SF3B2: variants seen among roughly 807,000 people sequenced by gnomAD.
The protein encoded by SF3B2 is splicing factor 3b subunit 2.
In SF3B2, 22 loss-of-function variants were observed where a neutral mutation model predicts 116.3. The observed-to-expected ratio is 0.19, with a 90% CI of 0.14 to 0.27. The LOEUF (loss-of-function observed/expected upper bound fraction) is 0.27. Ranked by LOEUF, SF3B2 falls within the 10% of genes least tolerant of loss-of-function variation. The pLI is 1.00. For missense variants in SF3B2, 767 were observed against 1,151.4 expected, an observed-to-expected ratio of 0.67 and a Z score of 4.83; for synonymous variants, 406 against 421.6, an observed-to-expected ratio of 0.96 and a Z score of 0.45.
rs1163877825 is a variant in SF3B2, at chr11:66,053,066, G to A, written c.220G>A (p.Asp74Asn). Residue 74 changes from aspartate (D) to asparagine (N), a missense_variant, in exon 3 of 22, where the codon GAT becomes AAT. Transcript: ENST00000322535. ...GAATCGGCCGGTTTTGAGAGGGGAA[G>A]ATGGGGACAAAGCCGCTCCACCTCC... ...VLNRPVLRGE[D>N]GDKAAPPPMS... The A allele has an allele frequency of 6.2e-7, 1 of 1,614,042 alleles. No homozygotes were observed. Among genetic ancestry groups the A allele is most frequent in the African/African-American group, 1.3e-5 (1 of 74,918 alleles).
chr11:66,052,928 G>A, intron 2 of SF3B2, 99 bp from the exon 3 acceptor site: 1 of 1,326,480 alleles, frequency 7.5e-7, no homozygotes, highest in Middle Eastern at 1.8e-4. Flanking sequence ...AGCGCTGGCA[G>A]ACAGGCACTG....
Position 66,068,336 on chromosome 11 carries a change from AG to A in SF3B2, c.2616+5del. On this transcript the variant is annotated splice_donor_region_variant and intron_variant, in intron 21 of 21. Coordinates refer to ENST00000322535, the MANE Select transcript of SF3B2 (RefSeq NM_006842.3). Reference sequence around the variant, plus strand: ...CTGAGCACGCTGCCAAACAGAAGGTAGGCGCTTCCAGGGGCGCTGGGCTGGG... The same window carrying A: ...CTGAGCACGCTGCCAAACAGAAGGTAGCGCTTCCAGGGGCGCTGGGCTGGG... 1 of 1,603,624 alleles carries A rather than the reference AG, an allele frequency of 6.2e-7. No homozygotes were observed.
chr11:66,058,338 C>T lies in SF3B2; in HGVS notation c.899C>T (p.Ala300Val). The change falls in exon 9 of 22, where the codon GCT becomes GTT. Residue 300 changes from alanine to valine, a missense_variant. This residue lies in a region of SF3B2 where 455 missense variants were observed against 537.5 expected (regional missense o/e 0.85). Coordinates refer to ENST00000322535, the MANE Select transcript of SF3B2 (RefSeq NM_006842.3). ...GAGGAAGAGGAAATGGAAACAGATG[C>T]TCGCTCGTCCCTGGGCCAGTCAGCG... ...QQEEEEMETDARSSLGQSASE... is the reference protein window; with the variant it reads ...QQEEEEMETDVRSSLGQSASE... The T allele has an allele frequency of 6.2e-7, 1 of 1,614,036 alleles. No homozygotes were observed. The highest frequency in any genetic ancestry group is 8.5e-7 in the Non-Finnish European group (1 of 1,180,002).
chr11:66,057,222 G>A (rs377149955), intron 6 of SF3B2, 44 bp from the exon 7 acceptor site: 3 of 1,237,576 alleles, frequency 2.4e-6, no homozygotes, highest in African/African-American at 1.5e-5. Context: ...TTACGTGAGT[G>A]TTTTGCCTCT....
In SF3B2 at chr11:66,059,558, G is replaced by A. The variant is rs774962540; in HGVS notation, c.1364G>A (p.Arg455His). 6 of 1,613,964 alleles carry A rather than the reference G, an allele frequency of 3.7e-6. No individual in the cohort carries two copies. The highest frequency in any genetic ancestry group is 2.2e-5 in the East Asian group (1 of 44,862). ...EAPKLSKKKL[R>H]RMNRFTVAEL... ...CCCAAGCTGTCCAAGAAGAAGTTGC[G>A]CCGAATGAACCGCTTCACTGTGGCT... The change falls in exon 12 of 22, where the codon CGC becomes CAC. Residue 455 changes from arginine (R) to histidine (H), a missense_variant. Transcript: ENST00000322535. This position sits in a 1 kb window ranked among gnomAD's most constrained non-coding sequence, Gnocchi z 5.0.
In SF3B2 at chr11:66,069,052, C is replaced by A. The variant is rs890071421; in HGVS notation, c.*307C>A. ...CATTTGACTGGTGGTGACGCCAACC[C>A]CAGGCTGAAATCTGTGTTTCACCAC... On this transcript the variant is annotated 3_prime_UTR_variant, in exon 22 of 22. Coordinates refer to ENST00000322535, the MANE Select transcript of SF3B2 (RefSeq NM_006842.3). The A allele has an allele frequency of 9.9e-6, 4 of 404,732 alleles. No individual in the cohort carries two copies. Among genetic ancestry groups the A allele is most frequent in the African/African-American group, 6.1e-5 (3 of 49,548 alleles). The allele number at this position is 404,732 out of a possible 1,614,324, so 25.1% of individuals were successfully genotyped here.
intron 21 of SF3B2, 77 bp downstream of exon 21, chr11:66,068,410 C>T (rs941394555): frequency 7.0e-7 from 1 of 1,425,000 alleles, no homozygotes; most frequent in Non-Finnish European, 9.5e-7. Flanking sequence ...ATGGTGCCCT[C>T]TAGTGGTGAG....
Position 66,059,979 on chromosome 11 carries a change from C to T in SF3B2, c.1599C>T (p.Ile533=). Residue 533 remains isoleucine (I), a synonymous_variant, in exon 13 of 22, where the codon ATC becomes ATT. Coordinates refer to ENST00000322535, the MANE Select transcript of SF3B2 (RefSeq NM_006842.3). This position sits in a 1 kb window ranked among gnomAD's most constrained non-coding sequence, Gnocchi z 5.0. ...CAGACTTCATCAAACGCACAGGCAT[C>T]CAGGAGATGCGAGAGGCCCTGCAGG... The part of the protein sequence containing the change: ...ELPDFIKRTG[I]QEMREALQEK... 6.2e-7 allele frequency: 1 copy of T among 1,614,120 alleles called. No individual in the cohort carries two copies.
Position 66,052,375 on chromosome 11 carries a change from T to G in SF3B2, c.-10T>G. The G allele has an allele frequency of 6.2e-7, 1 of 1,607,284 alleles. No individual in the cohort carries two copies. The highest frequency in any genetic ancestry group is 2.2e-5 in the East Asian group (1 of 44,534). The stretch of plus-strand genomic sequence containing the variant: ...CTTCCGGGTTGGTCGCGCGCCTTCC[T>G]GCGGCTAAGATGGCGACGGAGCATC... On this transcript the variant is annotated 5_prime_UTR_variant, in exon 1 of 22. Transcript: ENST00000322535.
chr11:66,052,752 C>T (rs778642973), intron 2 of SF3B2, 33 bp downstream of exon 2: 16 of 1,538,884 alleles, frequency 1.0e-5, no homozygotes, highest in Middle Eastern at 1.8e-4. Context: ...CAGGATAGGC[C>T]GAGCTTCTCC....
At chr11:66,062,107 A>G in intron 16 of SF3B2, 109 bp downstream of exon 16, 1 of 759,596 alleles carries the variant, frequency 1.3e-6, no homozygotes, top group Non-Finnish European at 2.2e-6. Flanking sequence ...ATTTACTTAA[A>G]AAATATTTTA....
In SF3B2 at chr11:66,068,927, T is replaced by C; in HGVS notation, c.*182T>C. Reference sequence around the variant, plus strand: ...ATTTAACACTCCTGAGCCTCCCTCATCTCCTTTTAGCCCCTTCTTGCAAAA... The same window carrying C: ...ATTTAACACTCCTGAGCCTCCCTCACCTCCTTTTAGCCCCTTCTTGCAAAA... On this transcript the variant is annotated 3_prime_UTR_variant, in exon 22 of 22. Coordinates refer to ENST00000322535, the MANE Select transcript of SF3B2 (RefSeq NM_006842.3). 1.7e-6 allele frequency: 1 copy of C among 581,012 alleles called. No individual in the cohort carries two copies. The highest frequency in any genetic ancestry group is 3.1e-6 in the Non-Finnish European group (1 of 324,244). The allele number at this position is 581,012 out of a possible 1,614,324, so 36.0% of individuals were successfully genotyped here. A position where few individuals can be genotyped will look rare whatever the true frequency, so the allele number is the denominator to read the frequency against.
rs1009012143 is a variant in SF3B2, at chr11:66,057,995, GA to G, written c.778-49del. The G allele has an allele frequency of 1.4e-3, 1,423 of 990,486 alleles. 5 individuals are homozygous for G. Among genetic ancestry groups the G allele is most frequent in the East Asian group, 0.011 (358 of 33,572 alleles). 61.4% of individuals were successfully genotyped at this position (990,486 alleles called of 1,614,324 possible). ...CTCAAAAAAAAAAAAAAGAAAGAAA[GA>G]AAAAAAAAAGAAAAAGGGCACTGTG... On this transcript the variant is annotated intron_variant, in intron 7 of 21. Transcript: ENST00000322535.
In SF3B2 at chr11:66,056,833, C is replaced by G; in HGVS notation, c.550-5C>G. ...GCAGTATCTACTCCCACTTCCCTCC[C>G]GTAGGCAGCTGTGTTACTGGAGCAG... On this transcript the variant is annotated splice_region_variant and splice_polypyrimidine_tract_variant and intron_variant, in intron 5 of 21. Transcript: ENST00000322535. 6.2e-7 allele frequency: 1 copy of G among 1,610,732 alleles called. No individual in the cohort carries two copies. Among genetic ancestry groups the G allele is most frequent in the Non-Finnish European group, 8.5e-7 (1 of 1,177,078 alleles).
chr11:66,068,447 C>CT, intron 21 of SF3B2, 114 bp downstream of exon 21: 1 of 1,120,010 alleles, frequency 8.9e-7, no homozygotes. Context: ...GCTTGCTGCT[C>CT]TGTGCTTCCT....
chr11:66,068,640 C>G (rs769497389), intron 21 of SF3B2, 34 bp from the exon 22 acceptor site: 12 of 1,606,180 alleles, frequency 7.5e-6, no homozygotes, highest in African/African-American at 1.3e-5. Context: ...GTGGTTCAAC[C>G]TGTCTTAACC....
At chr11:66,068,630 G>T (rs567244812) in intron 21 of SF3B2, 44 bp from the exon 22 acceptor site, 3 of 1,572,526 alleles carry the variant, frequency 1.9e-6, no homozygotes, top group Non-Finnish European at 2.6e-6. Context: ...GGGTCCGGGG[G>T]TGGTTCAACC....
At chr11:66,060,037 C>T (rs775569989) in intron 13 of SF3B2, 28 bp downstream of exon 13, 3 of 1,593,546 alleles carry the variant, frequency 1.9e-6, no homozygotes, top group South Asian at 2.2e-5. Context: ...CTCAGACCTG[C>T]CCCCGGGTGT....
intron 14 of SF3B2, among the ~76,000 whole-genome samples, chr11:66,061,089 C>T (rs1252940755): frequency 1.3e-5 from 2 of 152,202 alleles, no homozygotes; most frequent in African/African-American, 4.8e-5. Context: ...AACCACCGCA[C>T]CTGGCCAAGG....
Sources: gnomAD v4.1 joint callset for allele counts (sites outside exome capture counted in the v4.1 genomes callset) on GRCh38, gnomAD v4.1.1 for gene constraint, gnomAD v4.1.1 regional missense constraint, Gnocchi (gnomAD v3.1) non-coding constraint, MANE v1.5 for transcripts, NCBI Gene and HGNC (gene_info 2026-07-23, HGNC 2026-07-21) for gene names.